RIF1: variants seen among roughly 807,000 people sequenced by gnomAD.
RIF1 encodes the protein telomere-associated protein RIF1.
RIF1 carries 45 observed loss-of-function variants against 247.1 expected under a neutral mutation model. That is an observed-to-expected ratio of 0.18 (90% CI 0.14 to 0.23). The LOEUF is 0.23. Among genes scored for constraint, RIF1 ranks in the 10% least tolerant of loss-of-function variants. The probability of loss-of-function intolerance (pLI) is 1.00; values close to 1 mark genes in which losing one functional copy is unlikely to be tolerated. For synonymous variants in RIF1, 1,087 were observed against 978.8 expected (o/e 1.11, Z -2.06); for missense variants, 2,967 against 2,862.5 (o/e 1.04, Z -0.83).
At chr2:151,474,237 A>G (rs536452482) in intron 35 of RIF1, among the ~76,000 whole-genome samples, 165 bp downstream of exon 35, 46 of 152,292 alleles carry the variant, frequency 3.0e-4, no homozygotes, top group African/African-American at 1.1e-3. Flanking sequence ...AAATGTGTCT[A>G]CTTGTTTTTC....
chr2:151,423,934 A>G (rs1215309969), intron 8 of RIF1, among the ~76,000 whole-genome samples: 1 of 152,128 alleles, frequency 6.6e-6, no homozygotes, highest in East Asian at 1.9e-4. Flanking sequence ...CAAAAACTGT[A>G]CCCATTAAAG....
chr2:151,415,419 T>G (rs1221630344), intron 4 of RIF1, among the ~76,000 whole-genome samples: 1 of 150,496 alleles, frequency 6.6e-6, no homozygotes. Flanking sequence ...AATTTGCTCT[T>G]AAAAATAATG....
At chr2:151,516,629 A>G in the RIF1 span, 1 of 1,055,598 alleles carries the variant, frequency 9.5e-7, no homozygotes, top group East Asian at 2.5e-5. Context: ...GTTTAAGGAT[A>G]GTATTTTTTA....
At position 151,463,917 on chromosome 2, in the gene RIF1, A is replaced by T; in HGVS notation, c.4397A>T (p.Gln1466Leu). ...LHIKDDVLPKQKLIAEQTLQE... is the reference protein window; with the variant it reads ...LHIKDDVLPKLKLIAEQTLQE... ...ATAAAAGATGATGTGTTACCTAAACAAAAACTGATTGCTGAACAAACTCTA... is the reference window on the plus strand; with the variant it reads ...ATAAAAGATGATGTGTTACCTAAACTAAAACTGATTGCTGAACAAACTCTA... The change falls in exon 30 of 36, where the codon CAA (glutamine) becomes CTA (leucine). Residue 1466 changes from glutamine (Q) to leucine (L), a missense_variant. Physicochemically the swap from Gln to Leu is moderately radical, Grantham distance 113. This residue lies in a region of RIF1 where 2,028 missense variants were observed against 1,825.6 expected (regional missense o/e 1.11). Coordinates refer to ENST00000444746, the MANE Select transcript of RIF1 (RefSeq NM_018151.5). The T allele has an allele frequency of 6.2e-7, 1 of 1,613,564 alleles. No individual in the cohort carries two copies. Among genetic ancestry groups the T allele is most frequent in the Non-Finnish European group, 8.5e-7 (1 of 1,179,888 alleles).
In RIF1 at chr2:151,414,890, A is replaced by G. The variant is rs776456531; in HGVS notation, c.251A>G (p.Tyr84Cys). ...AALQALGFCL[Y>C]NPKITSELSE... ...CTACAAGCCCTGGGGTTTTGCTTATATAATCCCAAAATTACCTCAGAATTA... is the reference window on the plus strand; with the variant it reads ...CTACAAGCCCTGGGGTTTTGCTTATGTAATCCCAAAATTACCTCAGAATTA... Residue 84 changes from tyrosine to cysteine, a missense_variant, in exon 4 of 36, where the codon TAT becomes TGT. By Grantham distance (194) the Tyr-to-Cys change is radical (BLOSUM62 -2). Coordinates refer to ENST00000444746, the MANE Select transcript of RIF1 (RefSeq NM_018151.5). 1 of 1,612,192 alleles carries G rather than the reference A, an allele frequency of 6.2e-7. No individual in the cohort carries two copies.
In RIF1 at chr2:151,477,177, A is replaced by G. The variant is rs1444863076; in HGVS notation, c.*2106A>G. The G allele has an allele frequency of 6.6e-6, 1 of 152,214 alleles. No homozygotes were observed. Among genetic ancestry groups the G allele is most frequent in the Non-Finnish European group, 1.5e-5 (1 of 68,032 alleles). 9.4% of individuals were successfully genotyped at this position (152,214 alleles called of 1,614,324 possible). A position where few individuals can be genotyped will look rare whatever the true frequency, so the allele number is the denominator to read the frequency against. ...ATATTTTTGGCAACTTATTTGCAAT[A>G]TTCTTGCCTTAAAGTTTCCTGCAAA... is the stretch of plus-strand genomic sequence containing the variant. On this transcript the variant is annotated 3_prime_UTR_variant, in exon 36 of 36. Coordinates refer to ENST00000444746, the MANE Select transcript of RIF1 (RefSeq NM_018151.5).
chr2:151,428,055 CAAACA>C (rs138779552), intron 8 of RIF1, among the ~76,000 whole-genome samples: 2,275 of 152,064 alleles, frequency 0.015, 66 homozygotes, highest in African/African-American at 0.051. Flanking sequence ...GACTCCATCT[CAAACA>C]AAACAAAACA....
downstream of RIF1, among the ~76,000 whole-genome samples, chr2:151,512,181 C>T (rs1012687360): frequency 6.6e-6 from 1 of 151,886 alleles, no homozygotes; most frequent in Admixed American, 6.6e-5. Flanking sequence ...CAGGTGCCTG[C>T]CACCACGCCC....
intron 26 of RIF1, 22 bp from the exon 27 acceptor site, chr2:151,461,116 G>C: frequency 6.3e-7 from 1 of 1,597,308 alleles, no homozygotes; most frequent in Non-Finnish European, 8.5e-7. Flanking sequence ...ATGTACATTT[G>C]CTTATTTTTT....
rs778972474 is a variant in RIF1 at position 151,491,769 on chromosome 2, C to T, written c.*416-3460C>T. The T allele has an allele frequency of 1.6e-5, 25 of 1,584,600 alleles. No homozygotes were observed. The highest frequency in any genetic ancestry group is 2.1e-5 in the Non-Finnish European group (24 of 1,164,226). ...CGAACCAGGATTAGTACGCCAGACA[C>T]GTAAACCTGAAAGGGAAACCAGTGA... On this transcript the variant is annotated intron_variant and NMD_transcript_variant, in intron 9 of 13. Coordinates refer to the RIF1 transcript ENST00000454583.
At chr2:151,499,256 C>G (rs2062627748) in intron 10 of RIF1, 1 of 1,074,652 alleles carries the variant, frequency 9.3e-7, no homozygotes. Context: ...TCTTTTTAAA[C>G]ATTTTTTTAA....
the RIF1 span, among the ~76,000 whole-genome samples, chr2:151,523,603 TA>T: frequency 1.3e-5 from 2 of 152,344 alleles, no homozygotes; most frequent in Non-Finnish European, 2.9e-5. Context: ...ATCTCTGAGC[TA>T]AAGTCTGAAA....
chr2:151,421,721 G>A (rs1206534709), intron 7 of RIF1, among the ~76,000 whole-genome samples: 1 of 151,936 alleles, frequency 6.6e-6, no homozygotes, highest in Admixed American at 6.6e-5. Flanking sequence ...CTAAAACCTG[G>A]GATTTTACTT....
At chr2:151,459,424 C>A (rs1695771544) in intron 25 of RIF1, among the ~76,000 whole-genome samples, 1 of 152,068 alleles carries the variant, frequency 6.6e-6, no homozygotes, top group East Asian at 1.9e-4. Flanking sequence ...TTTTTCTATT[C>A]AGGAGCAGCT....
At chr2:151,485,681 G>C, downstream of RIF1, 1 of 1,356,444 alleles carries the variant, frequency 7.4e-7, no homozygotes, top group South Asian at 1.6e-5. Flanking sequence ...GAGAACTTAG[G>C]TAACAGTGGA....
At chr2:151,460,657 T>C (rs1695998132) in intron 26 of RIF1, among the ~76,000 whole-genome samples, 1 of 152,214 alleles carries the variant, frequency 6.6e-6, no homozygotes, top group East Asian at 1.9e-4. Context: ...AGAAAAGTGT[T>C]ATTTTTTAAG....
At position 151,433,203 on chromosome 2, in the gene RIF1, C is replaced by G. The variant is rs756363013; in HGVS notation, c.1052C>G (p.Pro351Arg). The G allele has an allele frequency of 9.3e-6, 15 of 1,612,598 alleles. No individual in the cohort carries two copies. The highest frequency in any genetic ancestry group is 1.1e-5 in the Non-Finnish European group (13 of 1,179,152). The change falls in exon 10 of 36, where the codon CCT becomes CGT. Residue 351 changes from proline to arginine, a missense_variant. Transcript: ENST00000444746. ...TGGTATTTACTGATGAGACTTGGAC[C>G]TCATCTTCCTGCTAATTTTGAACAG... is the stretch of plus-strand genomic sequence containing the variant. ...VWWYLLMRLG[P>R]HLPANFEQVC...
chr2:151,509,078 A>G (rs1191348997), downstream of RIF1, among the ~76,000 whole-genome samples: 3 of 152,202 alleles, frequency 2.0e-5, no homozygotes, highest in African/African-American at 7.2e-5. Context: ...TGGGGATAAA[A>G]CTATTCTGTC....
In RIF1 at chr2:151,491,548, ATTT is replaced by A. The variant is rs1227541682; in HGVS notation, c.*416-3678_*416-3676del. 6 of 762,394 alleles carry A rather than the reference ATTT, an allele frequency of 7.9e-6. No individual in the cohort carries two copies. The Admixed American group carries it at 1.4e-4, about 17-fold the overall frequency. 47.2% of individuals were successfully genotyped at this position (762,394 alleles called of 1,614,324 possible). A position where few individuals can be genotyped will look rare whatever the true frequency, so the allele number is the denominator to read the frequency against. ...AGTTTTGCTCACTAGTTAACAAGGT[ATTT>A]TTATGCCAAATGGGCAGCTCAGAAA... On this transcript the variant is annotated intron_variant and NMD_transcript_variant, in intron 9 of 13. Coordinates refer to the RIF1 transcript ENST00000454583.
Sources: gnomAD v4.1 joint callset for allele counts (sites outside exome capture counted in the v4.1 genomes callset) on GRCh38, gnomAD v4.1.1 for gene constraint, gnomAD v4.1.1 regional missense constraint, MANE v1.5 for transcripts, NCBI Gene and HGNC (gene_info 2026-07-23, HGNC 2026-07-21) for gene names.